The following NBEA variants were observed in gnomAD, a reference collection of about 807,000 sequenced individuals.
The protein encoded by NBEA is lysosomal-trafficking regulator 2.
In NBEA, 44 loss-of-function variants were observed where a neutral mutation model predicts 343.4. That is an observed-to-expected ratio of 0.13 (90% CI 0.10 to 0.16). NBEA has a LOEUF of 0.16. NBEA is among the 10% of genes least tolerant of loss of function. The pLI, the probability that NBEA is intolerant of heterozygous loss-of-function variation, is 1.00. For missense variants in NBEA, 2,555 were observed against 3,631.3 expected (o/e 0.70, Z 7.62); for synonymous variants, 1,175 against 1,238.7 (o/e 0.95, Z 1.08).
At chr13:35,601,921 T>C (rs2082074605) in intron 47 of NBEA, among the ~76,000 whole-genome samples, 1 of 152,122 alleles carries the variant, frequency 6.6e-6, no homozygotes, top group South Asian at 2.1e-4. Flanking sequence ...ATTAGCAAAT[T>C]ACCCACCCAA....
intron 1 of NBEA, among the ~76,000 whole-genome samples, chr13:34,962,704 T>C (rs2059698280): frequency 6.6e-6 from 1 of 151,996 alleles, no homozygotes. Context: ...TCTATAAAAA[T>C]ATATATAAGT....
At chr13:35,360,608 A>G (rs1476021608) in intron 38 of NBEA, among the ~76,000 whole-genome samples, 2 of 152,084 alleles carry the variant, frequency 1.3e-5, no homozygotes, top group East Asian at 3.8e-4. Context: ...CATGAAGTAA[A>G]GGTAAATACT....
chr13:35,058,674 T>C (rs2063354653), intron 7 of NBEA, 43 bp from the exon 8 acceptor site: 1 of 1,487,758 alleles, frequency 6.7e-7, no homozygotes, highest in Non-Finnish European at 9.2e-7. Flanking sequence ...AACCTTTTTG[T>C]CATTAAAAAT....
At chr13:35,442,228 A>G (rs1342078156) in intron 39 of NBEA, among the ~76,000 whole-genome samples, 2 of 152,268 alleles carry the variant, frequency 1.3e-5, no homozygotes, top group East Asian at 3.9e-4. Flanking sequence ...ACGCTATGCA[A>G]TGTACTCATA....
rs1290269587 is a variant in NBEA at position 35,161,722 on chromosome 13, C to T, written c.3862-28C>T. 4.5e-6 allele frequency: 7 copies of T among 1,551,210 alleles called. No individual in the cohort carries two copies. In the Admixed American group the frequency reaches 1.1e-4, roughly 24 times the overall value. ...AAAATGAGGCATTTCTTTTGTATTC[C>T]ACAAAAGTTCATCTTTTCCTTCTTT... On this transcript the variant is annotated intron_variant, in intron 22 of 58. Transcript: ENST00000379939.
At chr13:35,505,929 T>C (rs2152983659) in intron 41 of NBEA, among the ~76,000 whole-genome samples, 1 of 152,290 alleles carries the variant, frequency 6.6e-6, no homozygotes, top group Non-Finnish European at 1.5e-5. Context: ...ACCATTTACT[T>C]TCAATTAATC....
Position 35,182,385 on chromosome 13 carries a change from T to C in NBEA, c.4688T>C (p.Leu1563Ser). 6.2e-7 allele frequency: 1 copy of C among 1,610,070 alleles called. No homozygotes were observed. The highest frequency in any genetic ancestry group is 8.5e-7 in the Non-Finnish European group (1 of 1,177,576). ...GATGATAGCAAACAAGCACAGTTCT[T>C]AGCTCTGGCTGTTGTTTACTTCATT... ...DVDDSKQAQF[L>S]ALAVVYFISV... The change falls in exon 29 of 59, where the codon TTA (leucine) becomes TCA (serine). Residue 1563 changes from leucine to serine, a missense_variant. Around this residue, in one of 21 missense-constraint regions of NBEA, gnomAD observed 168 missense variants for 193.0 expected, o/e 0.87. Coordinates refer to ENST00000379939, the MANE Select transcript of NBEA (RefSeq NM_001385012.1).
chr13:35,419,138 GTTTT>G (rs2044126134), intron 38 of NBEA, among the ~76,000 whole-genome samples: 1 of 152,002 alleles, frequency 6.6e-6, no homozygotes, highest in South Asian at 2.1e-4. Flanking sequence ...AAAGTTTTGG[GTTTT>G]GGAACATTTT....
At chr13:35,439,668 C>G (rs1423800532) in intron 39 of NBEA, among the ~76,000 whole-genome samples, 1 of 152,116 alleles carries the variant, frequency 6.6e-6, no homozygotes. Flanking sequence ...CAACATGGCA[C>G]ATGTATACAT....
At chr13:35,021,487 C>A (rs2061837217) in intron 1 of NBEA, among the ~76,000 whole-genome samples, 3 of 152,082 alleles carry the variant, frequency 2.0e-5, no homozygotes, top group Admixed American at 1.3e-4. Context: ...ACAATTCTGG[C>A]AGTTATCATT....
intron 41 of NBEA, among the ~76,000 whole-genome samples, chr13:35,521,162 T>C (rs1019688833): frequency 5.9e-5 from 9 of 151,934 alleles, no homozygotes; most frequent in Non-Finnish European, 1.0e-4. Context: ...ATATTAATTT[T>C]ATTAATATTT....
chr13:35,266,484 A>T (rs559362609), intron 34 of NBEA, among the ~76,000 whole-genome samples: 1 of 152,030 alleles, frequency 6.6e-6, no homozygotes, highest in South Asian at 2.1e-4. Flanking sequence ...CGCTATATAT[A>T]CACAGTGGAA....
At chr13:34,988,208 G>T (rs1478133383) in intron 1 of NBEA, among the ~76,000 whole-genome samples, 2 of 150,996 alleles carry the variant, frequency 1.3e-5, no homozygotes, top group Admixed American at 6.6e-5. Flanking sequence ...GTGTCAGTCG[G>T]CCCCTACTGG....
At position 35,118,431 on chromosome 13, in the gene NBEA, C is replaced by T. The variant is rs1463944446; in HGVS notation, c.2200C>T (p.Pro734Ser). 1 of 1,606,328 alleles carries T rather than the reference C, an allele frequency of 6.2e-7. No homozygotes were observed. Among genetic ancestry groups the T allele is most frequent in the Admixed American group, 1.7e-5 (1 of 59,536 alleles). The change falls in exon 16 of 59, where the codon CCA becomes TCA. Residue 734 changes from proline (P) to serine (S), a missense_variant. Transcript: ENST00000379939. ...QLLVALMSEH[P>S]ASMIPAFDQR... ...ACTGGTGGCTTTAATGTCGGAACAC[C>T]CAGCCTCAATGATACCAGCATTTGA... is the stretch of plus-strand genomic sequence containing the variant.
chr13:35,334,870 G>A (rs1162557790), intron 36 of NBEA, among the ~76,000 whole-genome samples: 1 of 152,126 alleles, frequency 6.6e-6, no homozygotes, highest in Non-Finnish European at 1.5e-5. Flanking sequence ...GTGATCCCAT[G>A]TGTTCATGTT....
intron 39 of NBEA, among the ~76,000 whole-genome samples, chr13:35,443,015 G>C (rs980064510): frequency 8.6e-5 from 13 of 151,932 alleles, no homozygotes; most frequent in African/African-American, 2.7e-4. Context: ...AATAACTGTT[G>C]GTGTTAGGTA....
rs188926500 is a variant in NBEA at position 34,994,134 on chromosome 13, G to A, written c.295-46799G>A. Among the ~76,000 whole-genome samples the A allele has an allele frequency of 3.4e-3, 483 of 142,470 alleles. 5 individuals carry two copies. The highest frequency in any genetic ancestry group is 0.012 in the African/African-American group (459 of 38,854). 93.5% of individuals were successfully genotyped at this position (142,470 alleles called of 152,430 possible). On this transcript the variant is annotated intron_variant, in intron 1 of 58. Transcript: ENST00000379939. ...AATTGCTTGAACCTGGGTGGCAGAG[G>A]TTGCAGTGAGCCGAGGTCATGCCAC...
In NBEA at chr13:35,117,426, C is replaced by T; in HGVS notation, c.2015C>T (p.Pro672Leu). ...ITPKGLDGPR[P>L]SQKEIISLRA... ...TGTTTTGTTCTAGATGGTCCCCGGC[C>T]ATCACAAAAAGAAATTATATCACTG... Residue 672 changes from proline (P) to leucine (L), a missense_variant, in exon 14 of 59, where the codon CCA becomes CTA. Physicochemically the swap from Pro to Leu is moderately conservative, Grantham distance 98. Transcript: ENST00000379939. The T allele has an allele frequency of 7.3e-7, 1 of 1,374,314 alleles. No homozygotes were observed. Among genetic ancestry groups the T allele is most frequent in the Non-Finnish European group, 9.5e-7 (1 of 1,051,662 alleles). The allele number at this position is 1,374,314 out of a possible 1,614,324, so 85.1% of individuals were successfully genotyped here.
At chr13:35,251,636 T>G (rs1397402913) in intron 34 of NBEA, 2 of 1,012,042 alleles carry the variant, frequency 2.0e-6, no homozygotes, top group East Asian at 6.5e-5. Context: ...AGATTTGAGG[T>G]GGAAAAGGAT....
Sources: gnomAD v4.1 joint callset for allele counts (sites outside exome capture counted in the v4.1 genomes callset) on GRCh38, gnomAD v4.1.1 for gene constraint, gnomAD v4.1.1 regional missense constraint, MANE v1.5 for transcripts, NCBI Gene and HGNC (gene_info 2026-07-23, HGNC 2026-07-21) for gene names.